Variants in PHACTR3 observed in about 807,000 individuals in gnomAD.
PHACTR3 encodes the protein phosphatase and actin regulator 3, also known as protein phosphatase 1, regulatory subunit 123.
In PHACTR3, 16 loss-of-function variants were observed where a neutral mutation model predicts 66.8. The ratio of observed to expected loss-of-function variants is 0.24; its 90% CI spans 0.16 to 0.36. PHACTR3 has a LOEUF of 0.36. Among genes scored for constraint, PHACTR3 ranks in the 10% least tolerant of loss-of-function variants. The pLI, the probability that PHACTR3 is intolerant of heterozygous loss-of-function variation, is 1.00. For synonymous variants in PHACTR3, 323 were observed against 292.1 expected (o/e 1.11, Z -1.08); for missense variants, 647 against 719.9 (o/e 0.90, Z 1.16).
intron 1 of PHACTR3, among the ~76,000 whole-genome samples, chr20:59,627,139 G>T (rs2034482327): frequency 6.6e-6 from 1 of 152,208 alleles, no homozygotes; most frequent in Non-Finnish European, 1.5e-5. Context: ...GACGAAATGG[G>T]AGTAAACATC....
intron 3 of PHACTR3, among the ~76,000 whole-genome samples, chr20:59,748,335 A>G (rs963410987): frequency 6.6e-6 from 1 of 151,838 alleles, no homozygotes; most frequent in Non-Finnish European, 1.5e-5. Context: ...ATCCCTGGGG[A>G]GAGAGGCAGC....
At chr20:59,580,070 G>T (rs1182205389) in intron 1 of PHACTR3, among the ~76,000 whole-genome samples, 10 of 152,120 alleles carry the variant, frequency 6.6e-5, no homozygotes, top group Non-Finnish European at 1.3e-4. Flanking sequence ...GGTTGTTCTG[G>T]AGGCTCCAAT....
chr20:59,846,825 G>A (rs1437307517), intron 12 of PHACTR3, among the ~76,000 whole-genome samples: 5 of 152,078 alleles, frequency 3.3e-5, no homozygotes, highest in Admixed American at 2.0e-4. Context: ...CATTTCTACT[G>A]ATTTAGCAAA....
intron 1 of PHACTR3, among the ~76,000 whole-genome samples, chr20:59,718,489 G>A (rs2146669880): frequency 6.6e-6 from 1 of 152,114 alleles, no homozygotes; most frequent in South Asian, 2.1e-4. Context: ...GTCAAATCCA[G>A]TGTGTGCAGT....
chr20:59,803,680 T>A (rs906490985), intron 7 of PHACTR3, among the ~76,000 whole-genome samples: 4 of 152,238 alleles, frequency 2.6e-5, no homozygotes, highest in African/African-American at 9.7e-5. Flanking sequence ...AATATTCAGA[T>A]GGAACAGATG....
chr20:59,715,383 C>T (rs2146659055), intron 1 of PHACTR3, among the ~76,000 whole-genome samples: 1 of 152,194 alleles, frequency 6.6e-6, no homozygotes, highest in Non-Finnish European at 1.5e-5. Context: ...TGGAAGTGAT[C>T]CTATAACTTT....
intron 1 of PHACTR3, among the ~76,000 whole-genome samples, chr20:59,610,809 A>G (rs111293995): frequency 1.1e-4 from 16 of 152,204 alleles, no homozygotes; most frequent in Admixed American, 9.2e-4. Context: ...TAGTTCCCCA[A>G]TGAATGCTGA....
chr20:59,683,917 G>C (rs1351652990), intron 1 of PHACTR3, among the ~76,000 whole-genome samples: 1 of 152,228 alleles, frequency 6.6e-6, no homozygotes, highest in Non-Finnish European at 1.5e-5. Context: ...TTGGGGTCCA[G>C]CTTGACCCTC....
intron 1 of PHACTR3, among the ~76,000 whole-genome samples, chr20:59,581,641 G>A (rs116241313): frequency 0.07 from 10,586 of 152,238 alleles, 455 homozygotes; most frequent in South Asian, 0.13. Flanking sequence ...AAACACTATG[G>A]GAGGCTGAGG....
At chr20:59,600,908 C>A (rs906485833), upstream of PHACTR3, among the ~76,000 whole-genome samples, 2 of 150,728 alleles carry the variant, frequency 1.3e-5, no homozygotes, top group Non-Finnish European at 1.5e-5. Flanking sequence ...AGAACCCAAT[C>A]CTCCAAATTC....
chr20:59,718,087 G>T (rs567739943), intron 1 of PHACTR3, among the ~76,000 whole-genome samples: 107 of 152,316 alleles, frequency 7.0e-4, no homozygotes, highest in African/African-American at 2.2e-3. Context: ...AGGGCAAAAA[G>T]ATTCTCCCTT....
intron 1 of PHACTR3, among the ~76,000 whole-genome samples, chr20:59,641,845 CAAAT>C (rs1426587701): frequency 1.3e-5 from 2 of 152,324 alleles, no homozygotes; most frequent in East Asian, 3.9e-4. Context: ...TCTGTATATA[CAAAT>C]AAATTATGCA....
At chr20:59,699,034 A>G (rs2037398197) in intron 1 of PHACTR3, among the ~76,000 whole-genome samples, 1 of 152,228 alleles carries the variant, frequency 6.6e-6, no homozygotes, top group Admixed American at 6.5e-5. Flanking sequence ...CTATGAAAAC[A>G]TCAGCAAATG....
intron 8 of PHACTR3, among the ~76,000 whole-genome samples, chr20:59,826,864 C>A (rs1256624997): frequency 6.6e-6 from 1 of 152,204 alleles, no homozygotes; most frequent in Admixed American, 6.5e-5. Context: ...ATGACATTCT[C>A]TGCGTTACCT....
chr20:59,827,844 C>CG (rs1568862163), intron 8 of PHACTR3, among the ~76,000 whole-genome samples: 1 of 152,156 alleles, frequency 6.6e-6, no homozygotes, highest in East Asian at 1.9e-4. Flanking sequence ...CCAAGCTTGG[C>CG]GGGGCTTCCT....
At chr20:59,702,961 A>G (rs1427417142) in intron 1 of PHACTR3, among the ~76,000 whole-genome samples, 2 of 152,194 alleles carry the variant, frequency 1.3e-5, no homozygotes, top group Admixed American at 6.5e-5. Context: ...ACAGTGATGT[A>G]TCATTCTAAA....
At chr20:59,713,777 T>C (rs1000100373) in intron 1 of PHACTR3, among the ~76,000 whole-genome samples, 1 of 152,046 alleles carries the variant, frequency 6.6e-6, no homozygotes, top group Non-Finnish European at 1.5e-5. Flanking sequence ...GGTAAAGAAT[T>C]GCTGGGTCAT....
chr20:59,646,429 A>G (rs571351197), intron 1 of PHACTR3, among the ~76,000 whole-genome samples: 3 of 149,160 alleles, frequency 2.0e-5, no homozygotes, highest in African/African-American at 4.9e-5. Flanking sequence ...CTGAGTTGTC[A>G]TTGTTGCCTT....
intron 8 of PHACTR3, among the ~76,000 whole-genome samples, chr20:59,832,349 A>C (rs1341559770): frequency 6.6e-6 from 1 of 152,234 alleles, no homozygotes; most frequent in African/African-American, 2.4e-5. Context: ...GCAGGTGGAC[A>C]AAAGGGTATC....
Sources: gnomAD v4.1 joint callset for allele counts (sites outside exome capture counted in the v4.1 genomes callset) on GRCh38, gnomAD v4.1.1 for gene constraint, MANE v1.5 for transcripts, NCBI Gene and HGNC (gene_info 2026-07-23, HGNC 2026-07-21) for gene names.